Variants in TENT4B observed in about 807,000 individuals in gnomAD.
The protein encoded by TENT4B is PAP associated domain containing 5.
A neutral mutation model predicts 75.0 loss-of-function variants in TENT4B; 10 were observed. The ratio of observed to expected loss-of-function variants is 0.13; its 90% CI spans 0.08 to 0.23. TENT4B has a LOEUF of 0.23. Ranked by LOEUF, TENT4B falls within the 10% of genes least tolerant of loss-of-function variation. TENT4B has a pLI of 1.00. For synonymous variants in TENT4B, 350 were observed against 357.7 expected (o/e 0.98, Z 0.24); for missense variants, 579 against 893.8 (o/e 0.65, Z 4.49).
At chr16:50,176,494 C>CTTTTTT (rs34067223) in intron 1 of TENT4B, among the ~76,000 whole-genome samples, 5 of 53,090 alleles carry the variant, frequency 9.4e-5, no homozygotes, top group South Asian at 1.2e-3. Context: ...ACCAATAATT[C>CTTTTTT]TTTTTTTTTT....
intron 5 of TENT4B, among the ~76,000 whole-genome samples, chr16:50,219,497 A>G (rs1188759478): frequency 6.6e-6 from 1 of 152,168 alleles, no homozygotes; most frequent in African/African-American, 2.4e-5. Flanking sequence ...TTCTTTTGCT[A>G]TTAGAAAAAG....
At chr16:50,170,491 C>T (rs566747218) in intron 1 of TENT4B, among the ~76,000 whole-genome samples, 3 of 152,234 alleles carry the variant, frequency 2.0e-5, no homozygotes, top group African/African-American at 7.2e-5. Flanking sequence ...CATGTAAAAA[C>T]TATGTAACAA....
chr16:50,192,577 C>G (rs565340088), intron 1 of TENT4B, among the ~76,000 whole-genome samples: 2 of 152,160 alleles, frequency 1.3e-5, no homozygotes, highest in African/African-American at 4.8e-5. Context: ...CTGTGTATTA[C>G]CAGGGGCAGC....
At chr16:50,177,335 A>G (rs1390112484) in intron 1 of TENT4B, among the ~76,000 whole-genome samples, 3 of 152,164 alleles carry the variant, frequency 2.0e-5, no homozygotes, top group Non-Finnish European at 2.9e-5. Context: ...GTTTGGTAGA[A>G]TTCACCAGTG....
intron 1 of TENT4B, among the ~76,000 whole-genome samples, chr16:50,165,883 G>A (rs1322363757): frequency 6.6e-6 from 1 of 152,066 alleles, no homozygotes; most frequent in African/African-American, 2.4e-5. Context: ...TGCTGTAGAC[G>A]TTCATGTACA....
rs939045216 is a variant in TENT4B at position 50,232,876 on chromosome 16, A to C, written c.*3548A>C. ...CTCAGTGTTTCTGTCACTAACCAAG[A>C]ATGTTTCTAGGCAGTTGGTTGCTTC... On this transcript the variant is annotated 3_prime_UTR_variant, in exon 12 of 12. Coordinates refer to ENST00000561678, the MANE Select transcript of TENT4B (RefSeq NM_001365324.3). The C allele has an allele frequency of 1.0e-6, 1 of 985,228 alleles. No individual in the cohort carries two copies. Among genetic ancestry groups the C allele is most frequent in the Admixed American group, 6.1e-5 (1 of 16,266 alleles). The allele number at this position is 985,228 out of a possible 1,614,324, so 61.0% of individuals were successfully genotyped here.
Position 50,233,148 on chromosome 16 carries a change from A to T in TENT4B, c.*3820A>T, listed in dbSNP as rs2032345655. Reference sequence around the variant, plus strand: ...GTTATATTTAGTAGTTACTGTTGATAGTAATTTTCATCAGGGTCATAGTTC... The same window carrying T: ...GTTATATTTAGTAGTTACTGTTGATTGTAATTTTCATCAGGGTCATAGTTC... On this transcript the variant is annotated 3_prime_UTR_variant, in exon 12 of 12. Coordinates refer to ENST00000561678, the MANE Select transcript of TENT4B (RefSeq NM_001365324.3). 1.0e-6 allele frequency: 1 copy of T among 983,636 alleles called. No individual in the cohort carries two copies. Among genetic ancestry groups the T allele is most frequent in the Non-Finnish European group, 1.2e-6 (1 of 828,246 alleles). The allele number at this position is 983,636 out of a possible 1,614,324, so 60.9% of individuals were successfully genotyped here. A position where few individuals can be genotyped will look rare whatever the true frequency, so the allele number is the denominator to read the frequency against.
chr16:50,154,319 G>T, intron 1 of TENT4B, 60 bp downstream of exon 1: 2 of 1,381,398 alleles, frequency 1.4e-6, no homozygotes, highest in South Asian at 1.7e-5. Context: ...CCGGGCACAC[G>T]CCCACAGAGG....
Position 50,233,992 on chromosome 16 carries a change from T to G in TENT4B, c.*4664T>G. On this transcript the variant is annotated 3_prime_UTR_variant, in exon 12 of 12. Coordinates refer to ENST00000561678, the MANE Select transcript of TENT4B (RefSeq NM_001365324.3). ...GTTCCACATTTTAACTTAACGTCTT[T>G]GTGGCTTCACCACTGAGCTACCTTT... 1.0e-6 allele frequency: 1 copy of G among 985,490 alleles called. No homozygotes were observed. The highest frequency in any genetic ancestry group is 1.2e-6 in the Non-Finnish European group (1 of 829,944). The allele number at this position is 985,490 out of a possible 1,614,324, so 61.0% of individuals were successfully genotyped here.
At chr16:50,176,029 T>A (rs2150689069) in intron 1 of TENT4B, among the ~76,000 whole-genome samples, 1 of 151,824 alleles carries the variant, frequency 6.6e-6, no homozygotes. Context: ...ATGCCCCTCC[T>A]ACCTTGGCCT....
chr16:50,188,909 G>A (rs2038586980), intron 1 of TENT4B, among the ~76,000 whole-genome samples: 1 of 152,164 alleles, frequency 6.6e-6, no homozygotes, highest in African/African-American at 2.4e-5. Context: ...GACATTTCTG[G>A]TTTGGCAGGC....
At position 50,153,832 on chromosome 16, in the gene TENT4B, G is replaced by A; in HGVS notation, c.211G>A (p.Gly71Ser). 1.6e-6 allele frequency: 2 copies of A among 1,248,766 alleles called. No individual in the cohort carries two copies. The highest frequency in any genetic ancestry group is 4.3e-5 in the Admixed American group (1 of 23,280). 77.4% of individuals were successfully genotyped at this position (1,248,766 alleles called of 1,614,324 possible). ...GSGSSTGSPG[G>S]AASAPAPAPA... ...CGGCAGCAGCACCGGCAGCCCCGGC[G>A]GCGCGGCCTCGGCCCCGGCCCCGGC... The change falls in exon 1 of 12, where the codon GGC (glycine) becomes AGC (serine). Residue 71 changes from glycine (G) to serine (S), a missense_variant. Gly to Ser is a moderately conservative substitution (Grantham distance 56, BLOSUM62 0). Around this residue, in one of 7 missense-constraint regions of TENT4B, gnomAD observed 253 missense variants for 270.1 expected, o/e 0.94. Coordinates refer to ENST00000561678, the MANE Select transcript of TENT4B (RefSeq NM_001365324.3).
intron 2 of TENT4B, among the ~76,000 whole-genome samples, chr16:50,212,490 A>G (rs527487220): frequency 1.3e-5 from 2 of 152,320 alleles, no homozygotes; most frequent in East Asian, 3.9e-4. Context: ...GCTTTTCTTC[A>G]GGCACTGTCC....
rs552275205 is a variant in TENT4B at position 50,169,387 on chromosome 16, GTTTTTTTTTTTT to G, written c.638+15143_638+15154del. On this transcript the variant is annotated intron_variant, in intron 1 of 11. Coordinates refer to ENST00000561678, the MANE Select transcript of TENT4B (RefSeq NM_001365324.3). Reference sequence around the variant, plus strand: ...CTAGAGATTTGTTTAGATTTTGTGGGTTTTTTTTTTTTTTTTTTTTTTTTTTGCAAAAATGCA... The same window carrying G: ...CTAGAGATTTGTTTAGATTTTGTGGGTTTTTTTTTTTTTTGCAAAAATGCA... 6.7e-3 allele frequency among the ~76,000 whole-genome samples: 444 copies of G among 65,804 alleles called. 2 individuals are homozygous for G. The highest frequency in any genetic ancestry group is 9.8e-3 in the Admixed American group (41 of 4,188). 43.2% of individuals were successfully genotyped at this position (65,804 alleles called of 152,430 possible). A position where few individuals can be genotyped will look rare whatever the true frequency, so the allele number is the denominator to read the frequency against.
At chr16:50,154,375 G>T in intron 1 of TENT4B, 116 bp downstream of exon 1, 7 of 1,331,926 alleles carry the variant, frequency 5.3e-6, no homozygotes, top group Non-Finnish European at 6.7e-6. Flanking sequence ...GCCTGCCTTC[G>T]CTGCTGTTGC....
intron 1 of TENT4B, among the ~76,000 whole-genome samples, chr16:50,177,864 C>G (rs1203170890): frequency 6.6e-6 from 1 of 152,038 alleles, no homozygotes; most frequent in African/African-American, 2.4e-5. Context: ...ACAGTTAACA[C>G]TGTACAATTT....
At chr16:50,161,716 T>TC (rs1161946373) in intron 1 of TENT4B, among the ~76,000 whole-genome samples, 2 of 152,194 alleles carry the variant, frequency 1.3e-5, no homozygotes, top group African/African-American at 4.8e-5. Context: ...CATGTTCCCT[T>TC]CACCAAGTTT....
At chr16:50,181,236 AG>A (rs1428536643) in intron 1 of TENT4B, among the ~76,000 whole-genome samples, 5 of 152,082 alleles carry the variant, frequency 3.3e-5, no homozygotes, top group Non-Finnish European at 5.9e-5. Flanking sequence ...GTCACAAAGG[AG>A]GTGTGTTTGT....
intron 1 of TENT4B, among the ~76,000 whole-genome samples, chr16:50,191,156 A>G (rs1415172576): frequency 6.6e-6 from 1 of 150,634 alleles, no homozygotes; most frequent in Non-Finnish European, 1.5e-5. Context: ...GCTGTCTTGA[A>G]TCATGTTGCT....
Sources: allele counts gnomAD v4.1 joint callset (sites outside exome capture counted in the v4.1 genomes callset), GRCh38; gene constraint gnomAD v4.1.1; regional missense constraint gnomAD v4.1.1; transcripts MANE v1.5; gene names NCBI Gene and HGNC (gene_info 2026-07-23, HGNC 2026-07-21).